ATP11A: variants seen among roughly 807,000 people sequenced by gnomAD.
ATP11A encodes ATPase phospholipid transporting 11A.
In ATP11A, 81 loss-of-function variants were observed where a neutral mutation model predicts 154.4. The observed-to-expected ratio is 0.52, with a 90% CI of 0.44 to 0.63. ATP11A has a LOEUF of 0.63. Among genes scored for constraint, ATP11A ranks in the 30% least tolerant of loss-of-function variants. The pLI is 0.00. For synonymous variants in ATP11A, 623 were observed against 585.9 expected (o/e 1.06, Z -0.91); for missense variants, 1,316 against 1,474.3 (o/e 0.89, Z 1.76).
Position 112,761,594 on chromosome 13 carries a change from C to T in ATP11A, c.40-23541C>T, listed in dbSNP as rs374588229. Among the ~76,000 whole-genome samples, 12 of 147,076 alleles carry T rather than the reference C, an allele frequency of 8.2e-5. No individual in the cohort carries two copies. In the East Asian group the frequency reaches 1.2e-3, roughly 15 times the overall value. On this transcript the variant is annotated intron_variant, in intron 1 of 29. Coordinates refer to ENST00000375645, the MANE Select transcript of ATP11A (RefSeq NM_015205.3). Reference sequence around the variant, plus strand: ...GCACCCCTGAGGATAAAGGGGACATCGTGCACATAGGTTTGGGTACTATCT... The same window carrying T: ...GCACCCCTGAGGATAAAGGGGACATTGTGCACATAGGTTTGGGTACTATCT...
intron 12 of ATP11A, 75 bp from the exon 13 acceptor site, chr13:112,831,300 C>T (rs910392084): frequency 1.1e-5 from 17 of 1,516,302 alleles, no homozygotes; most frequent in Admixed American, 7.1e-5. Context: ...GGAGGAAACA[C>T]GGCTGCTGTG....
chr13:112,731,653 G>A (rs1890493172), intron 1 of ATP11A, among the ~76,000 whole-genome samples: 2 of 152,174 alleles, frequency 1.3e-5, no homozygotes, highest in South Asian at 4.1e-4. Context: ...GAAGGTGCGG[G>A]AGGAGACAGT....
chr13:112,776,459 C>T (rs981291579), intron 1 of ATP11A, among the ~76,000 whole-genome samples: 4 of 152,196 alleles, frequency 2.6e-5, no homozygotes, highest in Non-Finnish European at 5.9e-5. Context: ...GTCTATGCTG[C>T]GTGACACTGA....
intron 1 of ATP11A, among the ~76,000 whole-genome samples, chr13:112,692,611 A>G (rs1026179455): frequency 6.6e-6 from 1 of 152,202 alleles, no homozygotes; most frequent in African/African-American, 2.4e-5. Flanking sequence ...GAACTTTTCC[A>G]GCATATACAT....
chr13:112,801,361 A>G (rs4296163), intron 2 of ATP11A, among the ~76,000 whole-genome samples: 4,289 of 124,990 alleles, frequency 0.034, 71 homozygotes, highest in East Asian at 0.076. Flanking sequence ...AAACGAGATG[A>G]TTTCACCCTA....
intron 7 of ATP11A, among the ~76,000 whole-genome samples, chr13:112,819,684 C>T (rs928159460): frequency 6.6e-5 from 10 of 152,142 alleles, no homozygotes; most frequent in Non-Finnish European, 8.8e-5. Flanking sequence ...TTACGGAAGA[C>T]GTTTGTAAAC....
At chr13:112,794,281 A>G (rs761474957) in intron 2 of ATP11A, among the ~76,000 whole-genome samples, 1 of 152,204 alleles carries the variant, frequency 6.6e-6, no homozygotes, top group Non-Finnish European at 1.5e-5. Flanking sequence ...CATTTTTACA[A>G]TTCAACAACG....
At chr13:112,803,693 C>T (rs2078199020) in intron 2 of ATP11A, among the ~76,000 whole-genome samples, 1 of 149,382 alleles carries the variant, frequency 6.7e-6, no homozygotes, top group Non-Finnish European at 1.5e-5. Flanking sequence ...CCTTCCCCTC[C>T]CTCCCCTCCT....
rs199660861 is a variant in ATP11A, at chr13:112,819,312, C to T, written c.579C>T (p.Tyr193=). 158 of 1,614,188 alleles carry T rather than the reference C, an allele frequency of 9.8e-5. No individual in the cohort carries two copies. Among genetic ancestry groups the T allele is most frequent in the East Asian group, 4.9e-4 (22 of 44,888 alleles). ...GTCTTGTGCATTTGTAGACGCATTA[C>T]GCGGTCCAGGACACCAAAGGCTTCC... ...LDGESSHKTH[Y]AVQDTKGFHT... The change falls in exon 7 of 30, where the codon TAC becomes TAT. Residue 193 remains tyrosine, a synonymous_variant. Transcript: ENST00000375645.
rs147257304 is a variant in ATP11A, at chr13:112,729,440, C to T, written c.39+38985C>T. Among the ~76,000 whole-genome samples the T allele has an allele frequency of 1.9e-3, 287 of 151,296 alleles. 2 individuals carry two copies. The highest frequency in any genetic ancestry group is 6.5e-3 in the African/African-American group (266 of 40,640). Reference sequence around the variant, plus strand: ...ACAGTGTCAGAAGGCACTGAGGCAGCGCGGTTCCCACCTCGGCATTGCAGG... The same window carrying T: ...ACAGTGTCAGAAGGCACTGAGGCAGTGCGGTTCCCACCTCGGCATTGCAGG... On this transcript the variant is annotated intron_variant, in intron 1 of 29. Transcript: ENST00000375645.
At chr13:112,844,253 C>T (rs2079511356) in intron 17 of ATP11A, among the ~76,000 whole-genome samples, 2 of 152,224 alleles carry the variant, frequency 1.3e-5, no homozygotes, top group Non-Finnish European at 1.5e-5. Context: ...ATCCCCACTG[C>T]TGCTGCCCAG....
chr13:112,843,338 G>C (rs1371379093), intron 17 of ATP11A, among the ~76,000 whole-genome samples: 1 of 152,200 alleles, frequency 6.6e-6, no homozygotes, highest in Non-Finnish European at 1.5e-5. Flanking sequence ...TGCGTGGCTG[G>C]GTGGACGCGC....
In ATP11A at chr13:112,846,766, T is replaced by C. The variant is rs368053149; in HGVS notation, c.1810-4271T>C. On this transcript the variant is annotated intron_variant, in intron 17 of 29. Transcript: ENST00000375645. The stretch of plus-strand genomic sequence containing the variant: ...TCGTGGTCCTCCTGGAGATCTTAAA[T>C]CTTGTTCTGGGGTGTGGCTGAGTTC... Among the ~76,000 whole-genome samples the C allele has an allele frequency of 1.2e-3, 181 of 152,298 alleles. 4 individuals are homozygous for C. The South Asian group carries it at 0.035, about 29-fold the overall frequency.
intron 13 of ATP11A, among the ~76,000 whole-genome samples, chr13:112,831,957 ACACACT>A (rs199767902): frequency 3.3e-4 from 42 of 127,306 alleles, no homozygotes; most frequent in African/African-American, 1.2e-3. Flanking sequence ...ATGCAGACAC[ACACACT>A]CACACATGCC....
chr13:112,840,398 T>A (rs1428872185), intron 16 of ATP11A, among the ~76,000 whole-genome samples: 17 of 23,298 alleles, frequency 7.3e-4, no homozygotes, highest in East Asian at 1.2e-3. Flanking sequence ...TCATCCCCCC[T>A]GCCTCAGCCT....
intron 17 of ATP11A, among the ~76,000 whole-genome samples, chr13:112,848,726 C>T (rs1253936012): frequency 2.6e-5 from 4 of 152,184 alleles, no homozygotes; most frequent in African/African-American, 4.8e-5. Context: ...TTGCTCTTGT[C>T]GCCCAGGCTG....
chr13:112,788,522 T>C (rs1157693435), intron 2 of ATP11A, among the ~76,000 whole-genome samples: 49 of 149,420 alleles, frequency 3.3e-4, no homozygotes, highest in African/African-American at 1.2e-3. Flanking sequence ...CCTACTTAAT[T>C]CACACCGGTG....
rs12866919 is a variant in ATP11A, at chr13:112,862,986, G to C, written c.2991+411G>C. The stretch of plus-strand genomic sequence containing the variant: ...ATCCATCACCACGTGCACAGTAATT[G>C]AGTGCAGCCCATGCAGCTTCCCAGC... On this transcript the variant is annotated intron_variant, in intron 25 of 29. Transcript: ENST00000375645. 4.9e-3 allele frequency among the ~76,000 whole-genome samples: 317 copies of C among 64,702 alleles called. No homozygotes were observed. In the Middle Eastern group the frequency reaches 0.081, roughly 16 times the overall value. The allele number at this position is 64,702 out of a possible 152,430, so 42.4% of individuals were successfully genotyped here.
At chr13:112,744,307 G>A (rs529824191) in intron 1 of ATP11A, among the ~76,000 whole-genome samples, 1 of 150,208 alleles carries the variant, frequency 6.7e-6, no homozygotes, top group African/African-American at 2.5e-5. Context: ...GATGGAGTAT[G>A]GTGTTCTGTA....
Sources: gnomAD v4.1 joint callset for allele counts (sites outside exome capture counted in the v4.1 genomes callset) on GRCh38, gnomAD v4.1.1 for gene constraint, MANE v1.5 for transcripts, NCBI Gene and HGNC (gene_info 2026-07-23, HGNC 2026-07-21) for gene names.